SDK1: variants seen among roughly 807,000 people sequenced by gnomAD.
SDK1 encodes sidekick cell adhesion molecule 1.
In SDK1, 157 loss-of-function variants were observed where a neutral mutation model predicts 245.5. The observed-to-expected ratio is 0.64, with a 90% confidence interval of 0.56 to 0.73. SDK1 has a LOEUF of 0.73. Ranked by LOEUF, SDK1 falls within the 30% of genes least tolerant of loss-of-function variation. The pLI is 0.00. For synonymous variants in SDK1, 1,647 were observed against 1,278.5 expected (o/e 1.29, Z -6.15); for missense variants, 3,583 against 3,002.3 (o/e 1.19, Z -4.52).
intron 17 of SDK1, among the ~76,000 whole-genome samples, chr7:4,044,808 C>A (rs1479837482): frequency 6.6e-6 from 1 of 152,104 alleles, no homozygotes; most frequent in East Asian, 1.9e-4. Flanking sequence ...AAAACTCACC[C>A]TTTCTAGAGT....
At chr7:3,840,985 G>T (rs912681816) in intron 5 of SDK1, among the ~76,000 whole-genome samples, 3 of 152,288 alleles carry the variant, frequency 2.0e-5, no homozygotes, top group East Asian at 1.9e-4. Context: ...AGTGGCTGGG[G>T]ATGTGTTATT....
chr7:4,172,980 G>A (rs912551542), intron 32 of SDK1, among the ~76,000 whole-genome samples: 1 of 152,208 alleles, frequency 6.6e-6, no homozygotes, highest in African/African-American at 2.4e-5. Flanking sequence ...AGGTTCACAG[G>A]CAACAGGGCT....
At chr7:3,933,684 A>G (rs1384864375) in intron 5 of SDK1, among the ~76,000 whole-genome samples, 1 of 152,228 alleles carries the variant, frequency 6.6e-6, no homozygotes. Flanking sequence ...AAACCTTTGC[A>G]TTTAAGGTGG....
At chr7:3,778,110 G>A (rs1222300332) in intron 4 of SDK1, among the ~76,000 whole-genome samples, 1 of 152,156 alleles carries the variant, frequency 6.6e-6, no homozygotes, top group Non-Finnish European at 1.5e-5. Context: ...GTAGAGCAAT[G>A]CATTTCCCAT....
chr7:3,584,506 T>A lies in SDK1; in HGVS notation c.299-34574T>A, dbSNP rs146049943. Among the ~76,000 whole-genome samples, 653 of 152,250 alleles carry A rather than the reference T, an allele frequency of 4.3e-3. 6 individuals carry two copies. Among genetic ancestry groups the A allele is most frequent in the African/African-American group, 0.015 (611 of 41,546 alleles). On this transcript the variant is annotated intron_variant, in intron 1 of 44. Transcript: ENST00000404826. Reference sequence around the variant, plus strand: ...GCCTGGCCCCACCTGAAGTCCCCTGTGGGGCCGCTCCTTGAGAGTTGAACC... The same window carrying A: ...GCCTGGCCCCACCTGAAGTCCCCTGAGGGGCCGCTCCTTGAGAGTTGAACC...
At chr7:4,054,894 A>T (rs182177111) in intron 19 of SDK1, among the ~76,000 whole-genome samples, 1 of 152,332 alleles carries the variant, frequency 6.6e-6, no homozygotes, top group Non-Finnish European at 1.5e-5. Flanking sequence ...TTGGTCTGTT[A>T]GATTACATTG....
chr7:3,759,196 T>G (rs1211714326), intron 4 of SDK1, among the ~76,000 whole-genome samples: 1 of 152,248 alleles, frequency 6.6e-6, no homozygotes, highest in East Asian at 1.9e-4. Context: ...TCCCAAGGGG[T>G]TTGGATCATA....
rs566908835 is a variant in SDK1 at position 3,330,087 on chromosome 7, T to TC, written c.298+28206dup. On this transcript the variant is annotated intron_variant, in intron 1 of 44. Transcript: ENST00000404826. ...TTGTATGTATATGTCACCTTTTTTT[T>TC]CCCATTTACCAGTTGATTAACAGAT... Among the ~76,000 whole-genome samples the TC allele has an allele frequency of 6.4e-4, 98 of 152,328 alleles. 1 individual carries two copies. The highest frequency in any genetic ancestry group is 2.1e-3 in the African/African-American group (86 of 41,576).
At chr7:4,251,209 T>TTGTTG (rs2128240836) in intron 44 of SDK1, among the ~76,000 whole-genome samples, 1 of 152,348 alleles carries the variant, frequency 6.6e-6, no homozygotes, top group Admixed American at 6.5e-5. Context: ...ACATTTGAGT[T>TTGTTG]TGTTGTGTCT....
rs137958594 is a variant in SDK1 at position 4,113,376 on chromosome 7, C to T, written c.3522C>T (p.Asp1174=). The change falls in exon 24 of 45, where the codon GAC becomes GAT. Residue 1174 remains aspartate, a synonymous_variant. Transcript: ENST00000404826. The part of the protein sequence containing the change: ...RVIQTLQAPP[D]VAPTSVTVRT... ...TCCAGACCCTGCAGGCCCCACCCGA[C>T]GTGGCTCCAACCAGCGTCACGGTCC... The T allele has an allele frequency of 6.4e-3, 10,253 of 1,613,926 alleles. 382 individuals are homozygous for T. The South Asian group carries it at 0.078, about 12-fold the overall frequency.
chr7:3,543,530 A>G (rs918420943), intron 1 of SDK1, among the ~76,000 whole-genome samples: 1 of 152,074 alleles, frequency 6.6e-6, no homozygotes, highest in Non-Finnish European at 1.5e-5. Context: ...GGCCACCTCT[A>G]CTCGTAGGGA....
intron 1 of SDK1, among the ~76,000 whole-genome samples, chr7:3,508,022 C>A (rs1782449606): frequency 6.6e-6 from 1 of 152,138 alleles, no homozygotes; most frequent in Admixed American, 6.5e-5. Context: ...CCCATATTTT[C>A]TACTTATTTT....
chr7:3,500,772 G>A (rs1203571833), intron 1 of SDK1, among the ~76,000 whole-genome samples: 1 of 151,392 alleles, frequency 6.6e-6, no homozygotes, highest in Non-Finnish European at 1.5e-5. Flanking sequence ...TAAGACTCCT[G>A]TTTGGAAGTT....
intron 1 of SDK1, among the ~76,000 whole-genome samples, chr7:3,540,013 CT>C (rs988613248): frequency 6.6e-6 from 1 of 152,180 alleles, no homozygotes; most frequent in African/African-American, 2.4e-5. Context: ...AATATCTTTA[CT>C]TTTCATTTCA....
chr7:4,150,285 C>T (rs998784462), intron 30 of SDK1, among the ~76,000 whole-genome samples: 23 of 152,146 alleles, frequency 1.5e-4, no homozygotes, highest in African/African-American at 5.3e-4. Flanking sequence ...TCTCATTGGC[C>T]CAGAGTTTGG....
rs181615979 is a variant in SDK1, at chr7:3,325,279, A to G, written c.298+23395A>G. On this transcript the variant is annotated intron_variant, in intron 1 of 44. Transcript: ENST00000404826. ...TGTTTTTTTCCTAATTGCATGTTTTATAGTAATCCTAACCTTTAATATATA... is the reference window on the plus strand; with the variant it reads ...TGTTTTTTTCCTAATTGCATGTTTTGTAGTAATCCTAACCTTTAATATATA... Among the ~76,000 whole-genome samples the G allele has an allele frequency of 2.4e-4, 37 of 152,248 alleles. No individual in the cohort carries two copies. The East Asian group carries it at 5.0e-3, about 21-fold the overall frequency.
intron 14 of SDK1, among the ~76,000 whole-genome samples, chr7:3,989,097 G>C (rs1366932114): frequency 6.6e-6 from 1 of 152,166 alleles, no homozygotes; most frequent in African/African-American, 2.4e-5. Context: ...GCCTCCCTCT[G>C]TTATCCTATC....
rs61289936 is a variant in SDK1 at position 3,367,147 on chromosome 7, TTTTA to T, written c.298+65283_298+65286del. ...TCTTTTGACTTTGCCTACAATTTTA[TTTTA>T]TTTATTTATTTATTTATTTTTATTT... On this transcript the variant is annotated intron_variant, in intron 1 of 44. Coordinates refer to ENST00000404826, the MANE Select transcript of SDK1 (RefSeq NM_152744.4). 8.9e-3 allele frequency among the ~76,000 whole-genome samples: 1,357 copies of T among 151,670 alleles called. 23 individuals carry two copies. The highest frequency in any genetic ancestry group is 0.031 in the African/African-American group (1,272 of 41,366).
At chr7:4,147,661 G>A (rs921752002) in intron 29 of SDK1, among the ~76,000 whole-genome samples, 6 of 152,048 alleles carry the variant, frequency 3.9e-5, no homozygotes, top group African/African-American at 9.7e-5. Context: ...GCCCTCAGTC[G>A]CCACAGACAC....
Sources: allele counts gnomAD v4.1 joint callset (sites outside exome capture counted in the v4.1 genomes callset), GRCh38; gene constraint gnomAD v4.1.1; transcripts MANE v1.5; gene names NCBI Gene and HGNC (gene_info 2026-07-23, HGNC 2026-07-21).